LGSN: variants seen among roughly 807,000 people sequenced by gnomAD.
The protein encoded by LGSN is lengsin, lens protein with glutamine synthetase domain.
In LGSN, 21 loss-of-function variants were observed where a neutral mutation model predicts 19.5. The ratio of observed to expected loss-of-function variants is 1.07; its 90% CI spans 0.76 to 1.55. LGSN has a LOEUF of 1.55. LGSN is among the 40% of genes most tolerant of loss of function. The pLI, the probability that LGSN is intolerant of heterozygous loss-of-function variation, is 0.00. For missense variants in LGSN, 673 were observed against 608.5 expected, an observed-to-expected ratio of 1.11 and a Z score of -1.12; for synonymous variants, 257 against 215.6, an observed-to-expected ratio of 1.19 and a Z score of -1.68.
the LGSN span, among the ~76,000 whole-genome samples, chr6:63,340,060 G>A: frequency 6.6e-6 from 1 of 150,730 alleles, no homozygotes; most frequent in Non-Finnish European, 1.5e-5. Flanking sequence ...CTAGCAGGGT[G>A]TTTTTTTTTC....
the LGSN span, among the ~76,000 whole-genome samples, chr6:63,428,695 CACA>C: frequency 6.6e-6 from 1 of 152,182 alleles, no homozygotes; most frequent in Admixed American, 6.5e-5. Flanking sequence ...GCACAGCCTT[CACA>C]ACAACTTCTA....
chr6:63,445,147 C>CA, the LGSN span, among the ~76,000 whole-genome samples: 5 of 150,624 alleles, frequency 3.3e-5, no homozygotes, highest in East Asian at 7.9e-4. Context: ...TCCATCTCTA[C>CA]AAAAAATGCA....
chr6:63,284,938 T>C (rs574761753), intron 3 of LGSN, among the ~76,000 whole-genome samples: 1 of 152,302 alleles, frequency 6.6e-6, no homozygotes, highest in South Asian at 2.1e-4. Context: ...CTTTCTTAAA[T>C]AGTACCGACC....
chr6:63,355,619 G>A, the LGSN span, among the ~76,000 whole-genome samples: 7 of 152,294 alleles, frequency 4.6e-5, no homozygotes, highest in East Asian at 1.2e-3. Flanking sequence ...CTCGCTTCTA[G>A]TCGTTTGCTG....
At chr6:63,536,064 C>T in the LGSN span, among the ~76,000 whole-genome samples, 1 of 151,976 alleles carries the variant, frequency 6.6e-6, no homozygotes, top group East Asian at 2.0e-4. Flanking sequence ...TGAGCCACCA[C>T]TCCCGGTCTG....
the LGSN span, among the ~76,000 whole-genome samples, chr6:63,497,970 G>A: frequency 7.6e-6 from 1 of 130,944 alleles, no homozygotes; most frequent in Non-Finnish European, 1.5e-5. Flanking sequence ...CAAGGCTGGA[G>A]TGCAATGACA....
the LGSN span, among the ~76,000 whole-genome samples, chr6:63,460,023 C>T: frequency 2.9e-5 from 4 of 138,402 alleles, no homozygotes; most frequent in African/African-American, 1.0e-4. Context: ...ACAAACTTTG[C>T]TCATATCTCC....
chr6:63,515,969 C>T, the LGSN span, among the ~76,000 whole-genome samples: 1 of 152,154 alleles, frequency 6.6e-6, no homozygotes, highest in African/African-American at 2.4e-5. Flanking sequence ...GATGTGCTAT[C>T]ATTTATCTTG....
chr6:63,534,452 A>AACACACAC, the LGSN span, among the ~76,000 whole-genome samples: 144 of 144,506 alleles, frequency 1.0e-3, no homozygotes, highest in African/African-American at 2.8e-3. Flanking sequence ...CACACAGAGA[A>AACACACAC]ACACACACAC....
At chr6:63,490,381 A>T in the LGSN span, among the ~76,000 whole-genome samples, 1 of 152,152 alleles carries the variant, frequency 6.6e-6, no homozygotes, top group African/African-American at 2.4e-5. Flanking sequence ...CCAACAGATG[A>T]TGCCAACCTT....
the LGSN span, among the ~76,000 whole-genome samples, chr6:63,376,997 C>T: frequency 0.011 from 1,673 of 152,198 alleles, 34 homozygotes; most frequent in African/African-American, 0.038. Context: ...ACAGACTGCT[C>T]CCATATTAAG....
chr6:63,412,771 G>GAA, the LGSN span, among the ~76,000 whole-genome samples: 3 of 34,268 alleles, frequency 8.8e-5, no homozygotes, highest in Non-Finnish European at 1.5e-4. Context: ...AAGAAAGAAA[G>GAA]GAAGGAAGGG....
the LGSN span, among the ~76,000 whole-genome samples, chr6:63,333,240 T>A: frequency 1.1e-4 from 16 of 151,842 alleles, no homozygotes; most frequent in African/African-American, 3.9e-4. Flanking sequence ...CGCTGATTGG[T>A]GCGTTTACAA....
chr6:63,497,324 G>A, the LGSN span, among the ~76,000 whole-genome samples: 7 of 152,032 alleles, frequency 4.6e-5, no homozygotes, highest in African/African-American at 1.5e-4. Context: ...CAAGGCGGGC[G>A]GATCACCTGA....
At chr6:63,518,925 A>G in the LGSN span, among the ~76,000 whole-genome samples, 1 of 152,236 alleles carries the variant, frequency 6.6e-6, no homozygotes, top group Non-Finnish European at 1.5e-5. Flanking sequence ...TACATATGCC[A>G]TATATTATAC....
the LGSN span, among the ~76,000 whole-genome samples, chr6:63,531,512 CTTTTTT>C: frequency 7.8e-6 from 1 of 128,538 alleles, no homozygotes; most frequent in Non-Finnish European, 1.7e-5. Context: ...ATCTATTATG[CTTTTTT>C]TTTTTTTTTT....
the LGSN span, among the ~76,000 whole-genome samples, chr6:63,555,403 G>A: frequency 0.012 from 1,778 of 152,300 alleles, 29 homozygotes; most frequent in African/African-American, 0.04. Context: ...GAAAATCCTT[G>A]AAATTGCTGA....
chr6:63,509,652 A>G, the LGSN span, among the ~76,000 whole-genome samples: 1 of 152,246 alleles, frequency 6.6e-6, no homozygotes, highest in African/African-American at 2.4e-5. Context: ...AACCTAGCTT[A>G]TAGAGTAAAT....
the LGSN span, among the ~76,000 whole-genome samples, chr6:63,513,285 A>G: frequency 6.6e-6 from 1 of 152,230 alleles, no homozygotes; most frequent in Non-Finnish European, 1.5e-5. Context: ...CCTCCTATGC[A>G]GATTGCCATG....
Sources: allele counts gnomAD v4.1 joint callset (sites outside exome capture counted in the v4.1 genomes callset), GRCh38; gene constraint gnomAD v4.1.1; transcripts MANE v1.5; gene names NCBI Gene and HGNC (gene_info 2026-07-23, HGNC 2026-07-21).